SDK1: variants seen among roughly 807,000 people sequenced by gnomAD.
SDK1 encodes protein sidekick-1.
A neutral mutation model predicts 245.5 loss-of-function variants in SDK1; 157 were observed. The observed-to-expected ratio is 0.64, with a 90% CI of 0.56 to 0.73. SDK1 has a LOEUF of 0.73. Among genes scored for constraint, SDK1 ranks in the 30% least tolerant of loss-of-function variants. The probability of loss-of-function intolerance (pLI) is 0.00; values close to 1 mark genes in which losing one functional copy is unlikely to be tolerated. For missense variants in SDK1, 3,583 were observed against 3,002.3 expected, an observed-to-expected ratio of 1.19 and a Z score of -4.52; for synonymous variants, 1,647 against 1,278.5, an observed-to-expected ratio of 1.29 and a Z score of -6.15.
At chr7:3,506,054 A>C (rs1782381776) in intron 1 of SDK1, among the ~76,000 whole-genome samples, 1 of 152,154 alleles carries the variant, frequency 6.6e-6, no homozygotes, top group Non-Finnish European at 1.5e-5. Flanking sequence ...GTAGACACCC[A>C]CATTTACCAT....
intron 1 of SDK1, among the ~76,000 whole-genome samples, chr7:3,350,604 T>C (rs1363401204): frequency 6.6e-6 from 1 of 152,230 alleles, no homozygotes; most frequent in Non-Finnish European, 1.5e-5. Context: ...TAATCAACTC[T>C]AGACCATGAT....
In SDK1 at chr7:3,694,894, C is replaced by A. The variant is rs149601524; in HGVS notation, c.713+52789C>A. On this transcript the variant is annotated intron_variant, in intron 4 of 44. Coordinates refer to ENST00000404826, the MANE Select transcript of SDK1 (RefSeq NM_152744.4). ...AATGAGAAGCTAACAAACACACGTACAAACACACAAGCACATTTCCTAGAA... is the reference window on the plus strand; with the variant it reads ...AATGAGAAGCTAACAAACACACGTAAAAACACACAAGCACATTTCCTAGAA... Among the ~76,000 whole-genome samples, 1,257 of 152,292 alleles carry A rather than the reference C, an allele frequency of 8.3e-3. 7 individuals are homozygous for A. Among genetic ancestry groups the A allele is most frequent in the Admixed American group, 0.014 (218 of 15,302 alleles).
At position 3,301,673 on chromosome 7, in the gene SDK1, G is replaced by C. The variant is rs1161502280; in HGVS notation, c.87G>C (p.Arg29=). The change falls in exon 1 of 45, where the codon CGG becomes CGC. Residue 29 remains arginine, a synonymous_variant. Transcript: ENST00000404826. The part of the protein sequence containing the change: ...PPERAGPGRP[R]GSPPGRARPS... The stretch of plus-strand genomic sequence containing the variant: ...AGCGCGCGGGCCCCGGGCGGCCGCG[G>C]GGATCCCCGCCCGGCCGCGCCCGCC... The C allele has an allele frequency of 2.1e-6, 2 of 974,132 alleles. No homozygotes were observed. The highest frequency in any genetic ancestry group is 2.4e-6 in the Non-Finnish European group (2 of 824,268). 60.3% of individuals were successfully genotyped at this position (974,132 alleles called of 1,614,324 possible).
intron 35 of SDK1, among the ~76,000 whole-genome samples, chr7:4,181,303 C>G (rs1782590012): frequency 2.6e-5 from 4 of 152,206 alleles, no homozygotes; most frequent in Admixed American, 2.6e-4. Context: ...GAGTAATATC[C>G]CATTGCATGC....
At chr7:3,622,349 C>T (rs1036009131) in intron 2 of SDK1, among the ~76,000 whole-genome samples, 22 of 152,100 alleles carry the variant, frequency 1.4e-4, no homozygotes, top group East Asian at 7.8e-4. Context: ...GGCATGGTGG[C>T]GCATGCCTGT....
chr7:4,082,289 A>G (rs1781107787), intron 22 of SDK1, among the ~76,000 whole-genome samples: 1 of 152,154 alleles, frequency 6.6e-6, no homozygotes, highest in Non-Finnish European at 1.5e-5. Context: ...TGTAATCCAC[A>G]CTTTAGGAGA....
chr7:3,677,179 G>C (rs1442999914), intron 4 of SDK1, among the ~76,000 whole-genome samples: 1 of 152,074 alleles, frequency 6.6e-6, no homozygotes, highest in African/African-American at 2.4e-5. Context: ...CAGGGATTCT[G>C]CTCTGTGTGC....
intron 1 of SDK1, among the ~76,000 whole-genome samples, chr7:3,351,052 C>T (rs1194069864): frequency 6.6e-6 from 1 of 152,066 alleles, no homozygotes; most frequent in Non-Finnish European, 1.5e-5. Flanking sequence ...CTTAGTTTCA[C>T]TGGGTAAAAC....
chr7:3,437,459 C>T (rs1445243721), intron 1 of SDK1, among the ~76,000 whole-genome samples: 9 of 152,136 alleles, frequency 5.9e-5, no homozygotes, highest in Admixed American at 5.9e-4. Flanking sequence ...TCCTCTATTT[C>T]ATGTGCCAGC....
chr7:4,197,581 G>T (rs919642702), intron 35 of SDK1, among the ~76,000 whole-genome samples: 1 of 152,204 alleles, frequency 6.6e-6, no homozygotes, highest in South Asian at 2.1e-4. Flanking sequence ...GGCTGGGCTC[G>T]TGTGAGGCTG....
chr7:3,615,779 C>T (rs1781748476), intron 1 of SDK1, among the ~76,000 whole-genome samples: 2 of 151,620 alleles, frequency 1.3e-5, no homozygotes, highest in African/African-American at 2.4e-5. Flanking sequence ...GACTGGTGTC[C>T]TCCCACTATT....
At chr7:3,767,081 A>G (rs762889154) in intron 4 of SDK1, among the ~76,000 whole-genome samples, 5 of 152,138 alleles carry the variant, frequency 3.3e-5, no homozygotes, top group Non-Finnish European at 7.4e-5. Flanking sequence ...CAGCTGGGAG[A>G]AGTTTGAATG....
intron 17 of SDK1, among the ~76,000 whole-genome samples, chr7:4,044,179 C>G (rs73300989): frequency 5.3e-5 from 8 of 152,146 alleles, no homozygotes; most frequent in Non-Finnish European, 8.8e-5. Context: ...GCTTCGTGCA[C>G]ACGTTGGCGC....
intron 38 of SDK1, among the ~76,000 whole-genome samples, chr7:4,210,377 A>G (rs1422957880): frequency 1.3e-5 from 2 of 152,194 alleles, no homozygotes; most frequent in Non-Finnish European, 2.9e-5. Context: ...AAGCTGAGCC[A>G]AGACCAGACC....
chr7:4,227,067 G>A (rs1216122794), intron 40 of SDK1: 2 of 254,490 alleles, frequency 7.9e-6, no homozygotes, highest in Non-Finnish European at 1.5e-5. Context: ...TAGTCCCCTG[G>A]GGGCTTTCCA....
At chr7:3,317,585 G>T (rs1779695698) in intron 1 of SDK1, among the ~76,000 whole-genome samples, 1 of 151,888 alleles carries the variant, frequency 6.6e-6, no homozygotes, top group Admixed American at 6.6e-5. Context: ...TCCATTCATT[G>T]ACTATCTTTA....
At chr7:3,392,446 A>T in intron 1 of SDK1, among the ~76,000 whole-genome samples, 1 of 152,162 alleles carries the variant, frequency 6.6e-6, no homozygotes, top group Non-Finnish European at 1.5e-5. Flanking sequence ...ATGGTGGTAA[A>T]ATATATATAC....
At chr7:3,943,729 C>T (rs1212790075) in intron 5 of SDK1, among the ~76,000 whole-genome samples, 1 of 151,946 alleles carries the variant, frequency 6.6e-6, no homozygotes, top group Non-Finnish European at 1.5e-5. Context: ...TTTTCTGTTT[C>T]AGAGACTTGA....
intron 4 of SDK1, among the ~76,000 whole-genome samples, chr7:3,684,328 A>G (rs117611270): frequency 0.013 from 2,004 of 152,294 alleles, 16 homozygotes; most frequent in Middle Eastern, 0.024. Context: ...CTACAAAGCA[A>G]TGGGAGTCAG....
Sources: allele counts gnomAD v4.1 joint callset (sites outside exome capture counted in the v4.1 genomes callset), GRCh38; gene constraint gnomAD v4.1.1; transcripts MANE v1.5; gene names NCBI Gene and HGNC (gene_info 2026-07-23, HGNC 2026-07-21).